STAB2: variants seen among roughly 807,000 people sequenced by gnomAD.
STAB2 encodes the protein stabilin 2.
Under a neutral mutation model 338.1 loss-of-function variants are expected in STAB2, and 288 were observed. The observed-to-expected ratio is 0.85, with a 90% confidence interval of 0.77 to 0.94. STAB2 has a LOEUF of 0.94. STAB2 is among the 40% of genes least tolerant of loss of function. The probability of loss-of-function intolerance (pLI) is 0.00; values close to 1 mark genes in which losing one functional copy is unlikely to be tolerated. For synonymous variants in STAB2, 1,202 were observed against 1,193.3 expected, an observed-to-expected ratio of 1.01 and a Z score of -0.15; for missense variants, 3,141 against 3,210.1, an observed-to-expected ratio of 0.98 and a Z score of 0.52.
At chr12:103,600,019 G>A (rs751765714) in intron 3 of STAB2, among the ~76,000 whole-genome samples, 16 of 152,124 alleles carry the variant, frequency 1.1e-4, no homozygotes, top group Non-Finnish European at 2.2e-4. Context: ...GTAATCTTGG[G>A]CAAATTACCT....
At chr12:103,640,394 G>A in intron 9 of STAB2, 138 bp downstream of exon 9, 2 of 1,080,304 alleles carry the variant, frequency 1.9e-6, no homozygotes, top group South Asian at 1.8e-5. Flanking sequence ...GTAGGAGCAA[G>A]GATTGTAGTA....
In STAB2 at chr12:103,652,563, A is replaced by G. The variant is rs748420812; in HGVS notation, c.1265A>G (p.Glu422Gly). ...DKGLKGFNVN[E>G]LLVDNKAAQY... Reference sequence around the variant, plus strand: ...TTGGCTCTTCTCTCTTAGGTAAATGAGCTTTTGGTGGATAATAAAGCTGCT... The same window carrying G: ...TTGGCTCTTCTCTCTTAGGTAAATGGGCTTTTGGTGGATAATAAAGCTGCT... Residue 422 changes from glutamate to glycine, a missense_variant, in exon 12 of 69, where the codon GAG (glutamate) becomes GGG (glycine). Glu to Gly is a moderately conservative substitution (Grantham distance 98, BLOSUM62 -2). Coordinates refer to ENST00000388887, the MANE Select transcript of STAB2 (RefSeq NM_017564.10). 1 of 1,576,978 alleles carries G rather than the reference A, an allele frequency of 6.3e-7. No homozygotes were observed. Among genetic ancestry groups the G allele is most frequent in the South Asian group, 1.2e-5 (1 of 81,242 alleles).
rs551022531 is a variant in STAB2 at position 103,687,855 on chromosome 12, G to A, written c.2998-313G>A. Among the ~76,000 whole-genome samples, 35 of 152,258 alleles carry A rather than the reference G, an allele frequency of 2.3e-4. 1 individual carries two copies. Among genetic ancestry groups the A allele is most frequent in the East Asian group, 5.8e-4 (3 of 5,182 alleles). Reference sequence around the variant, plus strand: ...CCCCACTTAGCGTCTAGGTAGCCGCGTTCTTACAGCCTAAATTCTGATTTG... The same window carrying A: ...CCCCACTTAGCGTCTAGGTAGCCGCATTCTTACAGCCTAAATTCTGATTTG... On this transcript the variant is annotated intron_variant, in intron 27 of 68. Coordinates refer to ENST00000388887, the MANE Select transcript of STAB2 (RefSeq NM_017564.10).
chr12:103,697,698 G>A (rs908998788), intron 33 of STAB2, among the ~76,000 whole-genome samples: 1 of 152,202 alleles, frequency 6.6e-6, no homozygotes. Context: ...CATAAACTGA[G>A]AATTTGATAG....
At position 103,745,360 on chromosome 12, in the gene STAB2, T is replaced by C. The variant is rs532180167; in HGVS notation, c.6136+83T>C. Reference sequence around the variant, plus strand: ...GAGCATACAAGTGAGGTTGGGAGTCTGAGTGACATCTGAAAAAAGTGACAA... The same window carrying C: ...GAGCATACAAGTGAGGTTGGGAGTCCGAGTGACATCTGAAAAAAGTGACAA... On this transcript the variant is annotated intron_variant, in intron 57 of 68. Transcript: ENST00000388887. 9 of 1,261,176 alleles carry C rather than the reference T, an allele frequency of 7.1e-6. No homozygotes were observed. In the Admixed American group the frequency reaches 2.3e-4, roughly 32 times the overall value. The allele number at this position is 1,261,176 out of a possible 1,614,324, so 78.1% of individuals were successfully genotyped here.
chr12:103,720,931 T>G (rs1880712424), intron 44 of STAB2, among the ~76,000 whole-genome samples: 1 of 152,236 alleles, frequency 6.6e-6, no homozygotes, highest in Non-Finnish European at 1.5e-5. Flanking sequence ...CTCTGTTTTC[T>G]TCTCTTTTCA....
At chr12:103,764,751 C>CAAATCAT (rs1396124808) in intron 68 of STAB2, among the ~76,000 whole-genome samples, 1 of 151,968 alleles carries the variant, frequency 6.6e-6, no homozygotes. Context: ...AACCAGATTG[C>CAAATCAT]AAATCATATT....
At position 103,713,694 on chromosome 12, in the gene STAB2, G is replaced by A; in HGVS notation, c.4463G>A (p.Cys1488Tyr). The A allele has an allele frequency of 1.2e-6, 2 of 1,614,126 alleles. No individual in the cohort carries two copies. Reference protein sequence around the residue: ...SNGGCSAKADCKRTTPGRRVC... With the variant: ...SNGGCSAKADYKRTTPGRRVC... ...GGAGGTTGCTCTGCCAAGGCTGACT[G>A]TAAGAGAACCACCCCAGGAAGGCGA... Residue 1488 changes from cysteine to tyrosine, a missense_variant, in exon 42 of 69, where the codon TGT becomes TAT. Cys to Tyr is a radical substitution (Grantham distance 194). Transcript: ENST00000388887.
At chr12:103,666,211 G>A in intron 18 of STAB2, 80 bp from the exon 19 acceptor site, 1 of 1,397,466 alleles carries the variant, frequency 7.2e-7, no homozygotes, top group Admixed American at 1.7e-5. Flanking sequence ...AGGGAGGGAA[G>A]CATGAAACCA....
Position 103,655,456 on chromosome 12 carries a change from GA to G in STAB2, c.1612del (p.Thr538ProfsTer7). Reference protein sequence around the residue: ...RYSKFRSLLEETNLGHALDED... With the variant: ...RYSKFRSLLEXTNLGHALDED... ...ACAAAATTTCATTTCCCAAATGCAG[GA>G]AACCAATTTGGGACATGCCTTAGAT... On this transcript the variant is annotated frameshift_variant and splice_region_variant, in exon 15 of 69. Coordinates refer to ENST00000388887, the MANE Select transcript of STAB2 (RefSeq NM_017564.10). LOFTEE classifies it high-confidence loss of function. 1 of 1,613,606 alleles carries G rather than the reference GA, an allele frequency of 6.2e-7. No homozygotes were observed. The highest frequency in any genetic ancestry group is 2.2e-5 in the East Asian group (1 of 44,868).
chr12:103,660,482 T>C, intron 16 of STAB2, 98 bp downstream of exon 16: 1 of 1,438,808 alleles, frequency 7.0e-7, no homozygotes, highest in Non-Finnish European at 9.8e-7. Context: ...ATGTCCTTTA[T>C]CTGTAGCTCT....
chr12:103,600,776 C>T (rs750522390), intron 3 of STAB2, among the ~76,000 whole-genome samples: 1 of 90,082 alleles, frequency 1.1e-5, no homozygotes, highest in Non-Finnish European at 2.1e-5. Context: ...AGAAAGCCCC[C>T]AGGAGATAGC....
intron 44 of STAB2, among the ~76,000 whole-genome samples, chr12:103,719,171 C>G (rs558526484): frequency 8.5e-5 from 13 of 152,298 alleles, no homozygotes; most frequent in South Asian, 6.2e-4. Flanking sequence ...GCTGACCCAG[C>G]CTGTCACATC....
chr12:103,724,630 C>G (rs566855255), intron 44 of STAB2, among the ~76,000 whole-genome samples: 3 of 152,164 alleles, frequency 2.0e-5, no homozygotes, highest in Non-Finnish European at 4.4e-5. Flanking sequence ...TTCCTATGAT[C>G]AGAGTTTAGC....
At chr12:103,642,873 G>T (rs1299308051) in intron 9 of STAB2, among the ~76,000 whole-genome samples, 1 of 152,204 alleles carries the variant, frequency 6.6e-6, no homozygotes, top group African/African-American at 2.4e-5. Flanking sequence ...GCCAAAAGTG[G>T]CTGTTCATAG....
At chr12:103,655,222 T>A in intron 13 of STAB2, 29 bp from the exon 14 acceptor site, 2 of 1,592,628 alleles carry the variant, frequency 1.3e-6, no homozygotes, top group South Asian at 2.3e-5. Flanking sequence ...TTTTATTTCC[T>A]GATTTTTAAG....
In STAB2 at chr12:103,588,619, C is replaced by A. The variant is rs546308750; in HGVS notation, c.81+1062C>A. On this transcript the variant is annotated intron_variant, in intron 1 of 68. Transcript: ENST00000388887. ...TTCAGAGAGGACAACTTTGTCAATA[C>A]TGTATGAGACAGACAATGAGCCTTT... Among the ~76,000 whole-genome samples the A allele has an allele frequency of 2.6e-4, 40 of 152,248 alleles. No individual in the cohort carries two copies. In the South Asian group the frequency reaches 5.2e-3, roughly 20 times the overall value.
At chr12:103,652,069 G>C (rs572002405) in intron 11 of STAB2, among the ~76,000 whole-genome samples, 1 of 152,188 alleles carries the variant, frequency 6.6e-6, no homozygotes. Flanking sequence ...TGTTGACTAC[G>C]TAGTAATGAC....
chr12:103,600,836 C>A (rs1956943256), intron 3 of STAB2, among the ~76,000 whole-genome samples: 2 of 74,770 alleles, frequency 2.7e-5, no homozygotes, highest in Non-Finnish European at 4.8e-5. Flanking sequence ...CAGGCAGACA[C>A]CTGAAGAACT....
Sources: gnomAD v4.1 joint callset for allele counts (sites outside exome capture counted in the v4.1 genomes callset) on GRCh38, gnomAD v4.1.1 for gene constraint, MANE v1.5 for transcripts, NCBI Gene and HGNC (gene_info 2026-07-23, HGNC 2026-07-21) for gene names.